MEOX2: variants seen among roughly 807,000 people sequenced by gnomAD.
MEOX2 encodes the protein mesenchyme homeobox 2.
In MEOX2, 11 loss-of-function variants were observed where a neutral mutation model predicts 27.0. The observed-to-expected ratio is 0.41, with a 90% CI of 0.26 to 0.68. The LOEUF is 0.68. MEOX2 is among the 30% of genes least tolerant of loss of function. The probability of loss-of-function intolerance (pLI) is 0.33; values close to 1 mark genes in which losing one functional copy is unlikely to be tolerated. For missense variants in MEOX2, 436 were observed against 385.4 expected (o/e 1.13, Z -1.10); for synonymous variants, 189 against 155.4 (o/e 1.22, Z -1.61).
intron 1 of MEOX2, among the ~76,000 whole-genome samples, chr7:15,658,181 T>A (rs1483530446): frequency 6.6e-6 from 1 of 152,232 alleles, no homozygotes; most frequent in African/African-American, 2.4e-5. Flanking sequence ...GGGAACAGGA[T>A]GAGTAACTCA....
intron 1 of MEOX2, among the ~76,000 whole-genome samples, chr7:15,671,829 T>C (rs1224068541): frequency 6.6e-6 from 1 of 152,144 alleles, no homozygotes; most frequent in Non-Finnish European, 1.5e-5. Flanking sequence ...GACCACGAAG[T>C]GCTTATCACT....
intron 1 of MEOX2, among the ~76,000 whole-genome samples, chr7:15,677,087 G>A (rs577473984): frequency 6.6e-6 from 1 of 152,190 alleles, no homozygotes; most frequent in South Asian, 2.1e-4. Flanking sequence ...ATTTCATGCC[G>A]TTTACAATTC....
At chr7:15,659,830 ATTCT>A (rs973702425) in intron 1 of MEOX2, among the ~76,000 whole-genome samples, 3 of 151,306 alleles carry the variant, frequency 2.0e-5, no homozygotes, top group Non-Finnish European at 1.5e-5. Flanking sequence ...TGCGATATAG[ATTCT>A]TTATTCGCTT....
intron 1 of MEOX2, among the ~76,000 whole-genome samples, chr7:15,682,135 T>G (rs1313667713): frequency 7.1e-6 from 1 of 141,260 alleles, no homozygotes; most frequent in Non-Finnish European, 1.5e-5. Context: ...AGAATGGAAG[T>G]TTTTTTTTGT....
At chr7:15,653,149 A>G (rs1239836046) in intron 1 of MEOX2, among the ~76,000 whole-genome samples, 1 of 122,698 alleles carries the variant, frequency 8.2e-6, no homozygotes, top group Non-Finnish European at 1.9e-5. Flanking sequence ...ATGTGTTAGA[A>G]TCACCATTTT....
Position 15,611,246 on chromosome 7 carries a change from A to T in MEOX2, c.*1141T>A, listed in dbSNP as rs766812439. The T allele has an allele frequency of 6.6e-6, 1 of 152,190 alleles. No individual in the cohort carries two copies. The highest frequency in any genetic ancestry group is 1.5e-5 in the Non-Finnish European group (1 of 68,024). 9.4% of individuals were successfully genotyped at this position (152,190 alleles called of 1,614,324 possible). Reference sequence around the variant, plus strand: ...AAGGATCATTTATTAAACACATTTTAAAAACAAAATACAAAGATAGTTGTT... The same window carrying T: ...AAGGATCATTTATTAAACACATTTTTAAAACAAAATACAAAGATAGTTGTT... On this transcript the variant is annotated 3_prime_UTR_variant, in exon 3 of 3. Transcript: ENST00000262041.
chr7:15,661,569 A>C (rs554345569), intron 1 of MEOX2, among the ~76,000 whole-genome samples: 16 of 152,266 alleles, frequency 1.1e-4, no homozygotes, highest in African/African-American at 3.6e-4. Flanking sequence ...TGACTGAAGG[A>C]GTGGGGAGAT....
intron 1 of MEOX2, among the ~76,000 whole-genome samples, chr7:15,639,378 G>C (rs1781527928): frequency 6.6e-6 from 1 of 151,942 alleles, no homozygotes. Context: ...CTGGATATTA[G>C]TCTTTTGTTG....
chr7:15,634,145 T>C (rs533375286), intron 1 of MEOX2, among the ~76,000 whole-genome samples: 2 of 152,060 alleles, frequency 1.3e-5, no homozygotes, highest in Admixed American at 1.3e-4. Flanking sequence ...ACCAAAATCA[T>C]TGAATGTTAT....
chr7:15,617,564 T>C (rs1171693699), intron 2 of MEOX2, among the ~76,000 whole-genome samples: 1 of 152,036 alleles, frequency 6.6e-6, no homozygotes, highest in Non-Finnish European at 1.5e-5. Context: ...AATAGATGGA[T>C]TTATATCTGA....
Position 15,646,892 on chromosome 7 carries a change from G to T in MEOX2, c.518-19974C>A, listed in dbSNP as rs79072414. The stretch of plus-strand genomic sequence containing the variant: ...CTGTTATCTTCAAGACACTATATTG[G>T]CTGTGTTTAAGTGCTTATGTCAAAA... On this transcript the variant is annotated intron_variant, in intron 1 of 2. Transcript: ENST00000262041. Among the ~76,000 whole-genome samples, 1,328 of 151,720 alleles carry T rather than the reference G, an allele frequency of 8.8e-3. 28 individuals are homozygous for T. Among genetic ancestry groups the T allele is most frequent in the African/African-American group, 0.03 (1,249 of 41,438 alleles).
In MEOX2 at chr7:15,686,527, A is replaced by G; in HGVS notation, c.-125T>C. The G allele has an allele frequency of 1.2e-6, 1 of 840,084 alleles. No individual in the cohort carries two copies. 52.0% of individuals were successfully genotyped at this position (840,084 alleles called of 1,614,324 possible). A position where few individuals can be genotyped will look rare whatever the true frequency, so the allele number is the denominator to read the frequency against. On this transcript the variant is annotated 5_prime_UTR_variant, in exon 1 of 3. Coordinates refer to ENST00000262041, the MANE Select transcript of MEOX2 (RefSeq NM_005924.5). Reference sequence around the variant, plus strand: ...TAACCTCCCAAAGCAATAGCGGTGCACTTCTGCAGAGCTCGGATAATCCCG... The same window carrying G: ...TAACCTCCCAAAGCAATAGCGGTGCGCTTCTGCAGAGCTCGGATAATCCCG...
intron 1 of MEOX2, among the ~76,000 whole-genome samples, chr7:15,654,382 T>C (rs1468472781): frequency 6.6e-6 from 1 of 151,824 alleles, no homozygotes; most frequent in African/African-American, 2.4e-5. Flanking sequence ...TTTTCTTCCT[T>C]TCTGATCTGT....
intron 1 of MEOX2, among the ~76,000 whole-genome samples, chr7:15,662,709 T>C (rs545896834): frequency 5.8e-4 from 88 of 152,288 alleles, no homozygotes; most frequent in African/African-American, 1.9e-3. Flanking sequence ...CTTCAAAGTT[T>C]TTCCACATCC....
intron 1 of MEOX2, among the ~76,000 whole-genome samples, chr7:15,653,956 G>A (rs1781780321): frequency 6.6e-6 from 1 of 151,834 alleles, no homozygotes; most frequent in Admixed American, 6.6e-5. Context: ...AATTCTTGTT[G>A]GGAATTTGAT....
chr7:15,644,943 G>A (rs372271965), intron 1 of MEOX2, among the ~76,000 whole-genome samples: 7 of 152,180 alleles, frequency 4.6e-5, no homozygotes, highest in African/African-American at 1.7e-4. Context: ...TCTACTCACT[G>A]GCCCCAGAAC....
intron 1 of MEOX2, among the ~76,000 whole-genome samples, chr7:15,635,555 C>T (rs547796999): frequency 1.2e-3 from 177 of 152,072 alleles, no homozygotes; most frequent in Middle Eastern, 3.4e-3. Flanking sequence ...CTACATATTA[C>T]GGGCACTCAA....
At chr7:15,682,613 A>C (rs956344359) in intron 1 of MEOX2, among the ~76,000 whole-genome samples, 3 of 151,912 alleles carry the variant, frequency 2.0e-5, no homozygotes, top group African/African-American at 7.2e-5. Flanking sequence ...CTAGATATGT[A>C]CACTGTATAA....
intron 1 of MEOX2, among the ~76,000 whole-genome samples, chr7:15,667,289 C>CAAAAAAAAAAA (rs532691969): frequency 0.027 from 1,120 of 40,916 alleles, 216 homozygotes; most frequent in African/African-American, 0.042. Context: ...GACTCTGTCT[C>CAAAAAAAAAAA]AAAAAAAAAA....
Sources: gnomAD v4.1 joint callset for allele counts (sites outside exome capture counted in the v4.1 genomes callset) on GRCh38, gnomAD v4.1.1 for gene constraint, MANE v1.5 for transcripts, NCBI Gene and HGNC (gene_info 2026-07-23, HGNC 2026-07-21) for gene names.